The following ALCAM variants were observed in gnomAD, a reference collection of about 807,000 sequenced individuals.
ALCAM encodes CD166 antigen.
ALCAM carries 30 observed loss-of-function variants against 70.9 expected under a neutral mutation model. That is an observed-to-expected ratio of 0.42 (90% CI 0.32 to 0.57). ALCAM has a LOEUF of 0.57. Ranked by LOEUF, ALCAM falls within the 20% of genes least tolerant of loss-of-function variation. ALCAM has a pLI of 0.11. For synonymous variants in ALCAM, 249 were observed against 242.5 expected (o/e 1.03, Z -0.25); for missense variants, 591 against 695.1 (o/e 0.85, Z 1.68).
chr3:105,524,659 T>C, intron 3 of ALCAM, 151 bp downstream of exon 3: 3 of 1,360,652 alleles, frequency 2.2e-6, no homozygotes, highest in Non-Finnish European at 2.9e-6. Context: ...TGCTCATATA[T>C]ACTATCAGCA....
At chr3:105,544,344 T>C (rs1308319328) in intron 8 of ALCAM, among the ~76,000 whole-genome samples, 1 of 151,750 alleles carries the variant, frequency 6.6e-6, no homozygotes. Flanking sequence ...CACGAACATA[T>C]AGTGTTCCCT....
At chr3:105,420,519 G>A (rs915108160) in intron 1 of ALCAM, among the ~76,000 whole-genome samples, 2 of 151,628 alleles carry the variant, frequency 1.3e-5, no homozygotes, top group African/African-American at 4.8e-5. Flanking sequence ...TGCTAGATGA[G>A]ATTATTTGGA....
intron 2 of ALCAM, among the ~76,000 whole-genome samples, chr3:105,523,741 C>T (rs1939615707): frequency 6.6e-6 from 1 of 152,176 alleles, no homozygotes; most frequent in Non-Finnish European, 1.5e-5. Flanking sequence ...CCTTAATGGA[C>T]ATAATTATTT....
intron 1 of ALCAM, among the ~76,000 whole-genome samples, chr3:105,443,284 A>AT (rs919397161): frequency 7.9e-5 from 12 of 152,032 alleles, no homozygotes; most frequent in Non-Finnish European, 1.3e-4. Flanking sequence ...TAAATTATAT[A>AT]TTTTTTCTAA....
intron 1 of ALCAM, among the ~76,000 whole-genome samples, chr3:105,457,570 T>G (rs1338466471): frequency 1.3e-5 from 2 of 152,134 alleles, no homozygotes; most frequent in Non-Finnish European, 2.9e-5. Context: ...AAAAATTTTT[T>G]TTTAAATGTT....
chr3:105,554,513 GAAT>G (rs1196559131), intron 14 of ALCAM, among the ~76,000 whole-genome samples: 1 of 151,966 alleles, frequency 6.6e-6, no homozygotes, highest in Non-Finnish European at 1.5e-5. Flanking sequence ...GACACAGCCA[GAAT>G]AATGTTTGAC....
intron 1 of ALCAM, among the ~76,000 whole-genome samples, chr3:105,500,511 A>G (rs182468146): frequency 1.6e-4 from 24 of 152,310 alleles, no homozygotes; most frequent in African/African-American, 5.1e-4. Flanking sequence ...TTAATTTTCT[A>G]TTACATACTC....
At chr3:105,458,202 A>G (rs1460643497) in intron 1 of ALCAM, among the ~76,000 whole-genome samples, 1 of 152,200 alleles carries the variant, frequency 6.6e-6, no homozygotes, top group Non-Finnish European at 1.5e-5. Flanking sequence ...AAATCATTAT[A>G]CAACTGTAGG....
At chr3:105,520,652 T>C (rs1939512187) in intron 2 of ALCAM, among the ~76,000 whole-genome samples, 1 of 146,540 alleles carries the variant, frequency 6.8e-6, no homozygotes, top group Non-Finnish European at 1.5e-5. Context: ...CTATAGGTCT[T>C]TTTTATATTT....
chr3:105,385,449 A>G (rs13078409), intron 1 of ALCAM, among the ~76,000 whole-genome samples: 3,759 of 151,672 alleles, frequency 0.025, 76 homozygotes, highest in South Asian at 0.08. Context: ...GGAACTTGCT[A>G]TTTAAAATTA....
chr3:105,367,599 G>A, intron 1 of ALCAM, 118 bp downstream of exon 1: 2 of 1,197,644 alleles, frequency 1.7e-6, no homozygotes, highest in Non-Finnish European at 2.4e-6. Flanking sequence ...GGAGGTAAGG[G>A]GACCGCTGTC....
chr3:105,575,872 T>C lies in ALCAM; in HGVS notation c.*1421T>C, dbSNP rs143315036. On this transcript the variant is annotated 3_prime_UTR_variant, in exon 16 of 16. Transcript: ENST00000306107. ...ATTGAAAGGAAAAGGAAAACTGGTG[T>C]TTGTTTCTTAGACTCATGAAATAAA... 2.5e-3 allele frequency: 377 copies of C among 152,294 alleles called. 1 individual carries two copies. The highest frequency in any genetic ancestry group is 8.8e-3 in the African/African-American group (364 of 41,576). The allele number at this position is 152,294 out of a possible 1,614,324, so 9.4% of individuals were successfully genotyped here. A position where few individuals can be genotyped will look rare whatever the true frequency, so the allele number is the denominator to read the frequency against.
At chr3:105,496,471 C>T (rs1469139006) in intron 1 of ALCAM, among the ~76,000 whole-genome samples, 1 of 151,500 alleles carries the variant, frequency 6.6e-6, no homozygotes, top group Non-Finnish European at 1.5e-5. Flanking sequence ...AAAGTTAATA[C>T]TTTGAATGCT....
intron 4 of ALCAM, 137 bp downstream of exon 4, chr3:105,532,203 T>G (rs1171130801): frequency 1.4e-6 from 1 of 731,408 alleles, no homozygotes; most frequent in African/African-American, 1.8e-5. Context: ...TCAGAAATTA[T>G]CTACAAGGCA....
chr3:105,406,306 A>G (rs1936228115), intron 1 of ALCAM, among the ~76,000 whole-genome samples: 1 of 152,182 alleles, frequency 6.6e-6, no homozygotes, highest in Non-Finnish European at 1.5e-5. Flanking sequence ...GACCCACAAT[A>G]AAACTTTAGT....
chr3:105,405,565 T>A (rs1016438012), intron 1 of ALCAM, among the ~76,000 whole-genome samples: 6 of 152,092 alleles, frequency 3.9e-5, no homozygotes, highest in African/African-American at 1.2e-4. Context: ...TTAACAGATA[T>A]TTACAGAACA....
chr3:105,420,677 G>A (rs1186982285), intron 1 of ALCAM, among the ~76,000 whole-genome samples: 2 of 151,590 alleles, frequency 1.3e-5, no homozygotes, highest in Non-Finnish European at 3.0e-5. Context: ...CATGTTCCAG[G>A]CAGCTACCAG....
intron 1 of ALCAM, among the ~76,000 whole-genome samples, chr3:105,382,656 A>G (rs985399394): frequency 6.6e-6 from 1 of 151,866 alleles, no homozygotes; most frequent in African/African-American, 2.4e-5. Flanking sequence ...ATGGTATCTC[A>G]TTGTGGTTTT....
chr3:105,563,680 T>TTTTTTTTTTTTTTTTC (rs1940679736), intron 14 of ALCAM, among the ~76,000 whole-genome samples: 1 of 98,330 alleles, frequency 1.0e-5, no homozygotes, highest in African/African-American at 4.6e-5. Flanking sequence ...TTTTTTTTTT[T>TTTTTTTTTTTTTTTTC]TTTTTTTTTT....
Sources: gnomAD v4.1 joint callset for allele counts (sites outside exome capture counted in the v4.1 genomes callset) on GRCh38, gnomAD v4.1.1 for gene constraint, MANE v1.5 for transcripts, NCBI Gene and HGNC (gene_info 2026-07-23, HGNC 2026-07-21) for gene names.